LDB2: variants seen among roughly 807,000 people sequenced by gnomAD.
LDB2 encodes LIM domain binding 2, also known as LIM domain-binding protein 2.
LDB2 carries 12 observed loss-of-function variants against 44.3 expected under a neutral mutation model. That is an observed-to-expected ratio of 0.27 (90% CI 0.17 to 0.44). The LOEUF is 0.44. Ranked by LOEUF, LDB2 falls within the 20% of genes least tolerant of loss-of-function variation. The pLI is 1.00. For missense variants in LDB2, 344 were observed against 473.5 expected (o/e 0.73, Z 2.54); for synonymous variants, 164 against 174.8 (o/e 0.94, Z 0.49).
chr4:16,720,124 G>A (rs145138345), intron 2 of LDB2, among the ~76,000 whole-genome samples: 5 of 152,132 alleles, frequency 3.3e-5, no homozygotes, highest in Non-Finnish European at 5.9e-5. Context: ...TTTTATGTGC[G>A]AATTGGCTAG....
At chr4:16,715,675 C>T (rs1374642818) in intron 2 of LDB2, among the ~76,000 whole-genome samples, 3 of 152,128 alleles carry the variant, frequency 2.0e-5, no homozygotes, top group Non-Finnish European at 4.4e-5. Context: ...TGGATTCCAG[C>T]CATCTGCTTG....
At chr4:16,806,225 CTTCT>C (rs1246220182) in intron 1 of LDB2, among the ~76,000 whole-genome samples, 1 of 152,192 alleles carries the variant, frequency 6.6e-6, no homozygotes, top group East Asian at 1.9e-4. Flanking sequence ...AACATTCTAC[CTTCT>C]TTGACTCCGC....
chr4:16,774,267 T>A (rs1037596692), intron 1 of LDB2, among the ~76,000 whole-genome samples: 1 of 151,996 alleles, frequency 6.6e-6, no homozygotes, highest in Admixed American at 6.5e-5. Flanking sequence ...GCTTCCATCC[T>A]GTCCTGCCTT....
intron 1 of LDB2, among the ~76,000 whole-genome samples, chr4:16,895,120 TAA>T (rs71181199): frequency 6.4e-5 from 8 of 124,648 alleles, no homozygotes; most frequent in Admixed American, 8.1e-5. Context: ...TTTTTCATGC[TAA>T]AAAAAAAAAA....
chr4:16,509,453 G>A (rs947196851), intron 6 of LDB2, among the ~76,000 whole-genome samples: 1 of 152,178 alleles, frequency 6.6e-6, no homozygotes, highest in African/African-American at 2.4e-5. Context: ...TGGACTTGAA[G>A]GATGGGGCAA....
intron 5 of LDB2, among the ~76,000 whole-genome samples, chr4:16,572,594 T>C (rs1746967173): frequency 1.3e-5 from 2 of 152,168 alleles, no homozygotes; most frequent in South Asian, 4.1e-4. Context: ...TATATGTGTG[T>C]GTGTGTATTT....
intron 3 of LDB2, among the ~76,000 whole-genome samples, chr4:16,593,673 G>C (rs1719897376): frequency 6.6e-6 from 1 of 152,174 alleles, no homozygotes; most frequent in Non-Finnish European, 1.5e-5. Context: ...AGTCGCATCA[G>C]ATGGGTGGTC....
chr4:16,558,506 G>C (rs989320889), intron 5 of LDB2, among the ~76,000 whole-genome samples: 5 of 152,118 alleles, frequency 3.3e-5, no homozygotes, highest in Non-Finnish European at 5.9e-5. Context: ...GGGAAGTTTA[G>C]AGAAAAAAGA....
intron 5 of LDB2, among the ~76,000 whole-genome samples, chr4:16,522,588 G>T (rs34315070): frequency 0.078 from 11,863 of 152,162 alleles, 605 homozygotes; most frequent in South Asian, 0.15. Context: ...GTGTCTGTGG[G>T]TCCTACAACC....
At chr4:16,704,656 G>A (rs1368255344) in intron 2 of LDB2, among the ~76,000 whole-genome samples, 1 of 152,178 alleles carries the variant, frequency 6.6e-6, no homozygotes, top group East Asian at 1.9e-4. Context: ...TTGGTTTAAT[G>A]TCTGTTTTCA....
At chr4:16,774,981 C>T (rs1771583580) in intron 1 of LDB2, among the ~76,000 whole-genome samples, 1 of 152,170 alleles carries the variant, frequency 6.6e-6, no homozygotes, top group African/African-American at 2.4e-5. Flanking sequence ...AATTCAGATG[C>T]ATGCTGTGTA....
Position 16,582,602 on chromosome 4 carries a change from G to A in LDB2, c.615+3320C>T, listed in dbSNP as rs150236626. 9.3e-3 allele frequency among the ~76,000 whole-genome samples: 1,414 copies of A among 152,140 alleles called. 23 individuals are homozygous for A. The highest frequency in any genetic ancestry group is 0.033 in the African/African-American group (1,349 of 41,502). ...ACATGCTTCGTGAAACCCACCACCC[G>A]GTATCGGAATACCCAACAGCAACAA... On this transcript the variant is annotated intron_variant, in intron 5 of 7. Coordinates refer to ENST00000304523, the MANE Select transcript of LDB2 (RefSeq NM_001290.5). This position sits in a 1 kb window ranked among gnomAD's most constrained non-coding sequence, Gnocchi z 4.8.
intron 1 of LDB2, among the ~76,000 whole-genome samples, chr4:16,865,259 G>C (rs185331879): frequency 6.6e-6 from 1 of 152,164 alleles, no homozygotes; most frequent in East Asian, 1.9e-4. Context: ...CTCAAAAAAA[G>C]AAAGAAACAA....
chr4:16,574,844 G>GA (rs1171230845), intron 5 of LDB2, among the ~76,000 whole-genome samples: 1 of 152,110 alleles, frequency 6.6e-6, no homozygotes, highest in South Asian at 2.1e-4. Context: ...AGTTTCAGAT[G>GA]AAAAAAATTG....
chr4:16,768,938 G>C (rs879797704), intron 1 of LDB2, among the ~76,000 whole-genome samples: 1 of 152,146 alleles, frequency 6.6e-6, no homozygotes, highest in Non-Finnish European at 1.5e-5. Context: ...AAATTGCCAC[G>C]AAAGAGTTCA....
At chr4:16,532,668 G>A (rs577657861) in intron 5 of LDB2, among the ~76,000 whole-genome samples, 1 of 152,228 alleles carries the variant, frequency 6.6e-6, no homozygotes, top group South Asian at 2.1e-4. Context: ...GATAAATGTT[G>A]CTTTTTTCCC....
intron 2 of LDB2, chr4:16,751,071 T>C (rs959165150): frequency 3.3e-5 from 5 of 152,138 alleles, no homozygotes; most frequent in African/African-American, 9.7e-5. Flanking sequence ...ATAGATAACA[T>C]AGTCACACAG....
intron 1 of LDB2, among the ~76,000 whole-genome samples, chr4:16,871,184 G>A (rs1201662540): frequency 6.6e-6 from 1 of 152,100 alleles, no homozygotes; most frequent in African/African-American, 2.4e-5. Flanking sequence ...GGTGCCCTTG[G>A]GGTTATTTAT....
At chr4:16,560,249 A>G (rs1247118440) in intron 5 of LDB2, among the ~76,000 whole-genome samples, 3 of 152,220 alleles carry the variant, frequency 2.0e-5, no homozygotes, top group African/African-American at 7.2e-5. Flanking sequence ...TGACACCAAA[A>G]ACCCTTAAAA....
Sources: gnomAD v4.1 joint callset for allele counts (sites outside exome capture counted in the v4.1 genomes callset) on GRCh38, gnomAD v4.1.1 for gene constraint, Gnocchi (gnomAD v3.1) non-coding constraint, MANE v1.5 for transcripts, NCBI Gene and HGNC (gene_info 2026-07-23, HGNC 2026-07-21) for gene names.